SSBP2: variants seen among roughly 807,000 people sequenced by gnomAD.
The protein encoded by SSBP2 is single stranded DNA binding protein 2, also known as single-stranded DNA-binding protein 2.
In SSBP2, 17 loss-of-function variants were observed where a neutral mutation model predicts 61.8. The observed-to-expected ratio is 0.28, with a 90% CI of 0.19 to 0.41. The LOEUF is 0.41. Among genes scored for constraint, SSBP2 ranks in the 10% least tolerant of loss-of-function variants. The pLI is 1.00. For synonymous variants in SSBP2, 139 were observed against 141.3 expected (o/e 0.98, Z 0.12); for missense variants, 310 against 458.7 (o/e 0.68, Z 2.96).
At chr5:81,656,115 G>A (rs1361930131) in intron 1 of SSBP2, among the ~76,000 whole-genome samples, 6 of 152,104 alleles carry the variant, frequency 3.9e-5, no homozygotes, top group South Asian at 2.1e-4. Flanking sequence ...GCAGTGGCGC[G>A]ATCTTGGCTC....
chr5:81,437,347 C>G, intron 15 of SSBP2, 83 bp downstream of exon 15: 9 of 1,340,434 alleles, frequency 6.7e-6, no homozygotes, highest in Non-Finnish European at 2.1e-6. Flanking sequence ...GAACAAAATT[C>G]GTAAATTTAC....
At position 81,462,021 on chromosome 5, in the gene SSBP2, T is replaced by TA. The variant is rs1011147574; in HGVS notation, c.639-919dup. On this transcript the variant is annotated intron_variant, in intron 9 of 16. Coordinates refer to ENST00000320672, the MANE Select transcript of SSBP2 (RefSeq NM_012446.5). The stretch of plus-strand genomic sequence containing the variant: ...CACTAAGACAATGAAAATTTTTAAT[T>TA]AAAAAAAATCCCTTGATTCTAAGAC... Among the ~76,000 whole-genome samples, 29 of 152,072 alleles carry TA rather than the reference T, an allele frequency of 1.9e-4. No homozygotes were observed. The East Asian group carries it at 2.5e-3, about 13-fold the overall frequency.
At chr5:81,575,474 A>C (rs1243937066) in intron 4 of SSBP2, among the ~76,000 whole-genome samples, 1 of 152,214 alleles carries the variant, frequency 6.6e-6, no homozygotes, top group African/African-American at 2.4e-5. Context: ...ATATGTTAAT[A>C]AATCAAGGAT....
chr5:81,648,038 T>A (rs1037139493), intron 2 of SSBP2, among the ~76,000 whole-genome samples: 1 of 152,218 alleles, frequency 6.6e-6, no homozygotes, highest in East Asian at 1.9e-4. Flanking sequence ...ATTAAGTGAA[T>A]TGAGCCAATT....
Position 81,453,886 on chromosome 5 carries a change from T to C in SSBP2, c.688-5061A>G, listed in dbSNP as rs1017625396. Among the ~76,000 whole-genome samples the C allele has an allele frequency of 4.6e-5, 7 of 152,278 alleles. No individual in the cohort carries two copies. The East Asian group carries it at 1.2e-3, about 25-fold the overall frequency. ...TATTAAACCAAAAAAAGAAAAGATA[T>C]TAATACAAAACCAAGGAGTCAAATA... On this transcript the variant is annotated intron_variant, in intron 10 of 16. Coordinates refer to ENST00000320672, the MANE Select transcript of SSBP2 (RefSeq NM_012446.5).
intron 1 of SSBP2, 28 bp from the exon 2 acceptor site, chr5:81,650,367 G>C (rs778381873): frequency 4.2e-6 from 6 of 1,411,852 alleles, no homozygotes; most frequent in Non-Finnish European, 5.8e-6. Context: ...TATTTATTGA[G>C]AAGAGGAATA....
intron 15 of SSBP2, among the ~76,000 whole-genome samples, chr5:81,429,553 G>A (rs1273084163): frequency 6.6e-6 from 1 of 151,912 alleles, no homozygotes; most frequent in Non-Finnish European, 1.5e-5. Context: ...TTCTTTGAAG[G>A]TCCAATTCAT....
chr5:81,704,435 A>G (rs951314885), intron 1 of SSBP2, among the ~76,000 whole-genome samples: 8 of 152,166 alleles, frequency 5.3e-5, no homozygotes, highest in African/African-American at 1.9e-4. Flanking sequence ...ACAGGCACAC[A>G]TGCTCGCACA....
At chr5:81,486,785 T>C (rs1167673494) in intron 6 of SSBP2, among the ~76,000 whole-genome samples, 1 of 152,198 alleles carries the variant, frequency 6.6e-6, no homozygotes, top group African/African-American at 2.4e-5. Context: ...CCCGATGTAC[T>C]GAATTCAGAT....
chr5:81,662,339 C>T (rs993133502), intron 1 of SSBP2, among the ~76,000 whole-genome samples: 11 of 151,848 alleles, frequency 7.2e-5, no homozygotes, highest in Middle Eastern at 3.2e-3. Context: ...TGGTGGCAGA[C>T]GCCCGTAATC....
chr5:81,440,779 C>T (rs1457630538), intron 13 of SSBP2, 143 bp from the exon 14 acceptor site: 2 of 609,998 alleles, frequency 3.3e-6, no homozygotes, highest in Non-Finnish European at 5.7e-6. Context: ...TGATGTTTTT[C>T]AGCCTTGTGG....
At chr5:81,547,667 C>A (rs1378633936) in intron 4 of SSBP2, among the ~76,000 whole-genome samples, 1 of 152,064 alleles carries the variant, frequency 6.6e-6, no homozygotes, top group East Asian at 1.9e-4. Flanking sequence ...GAGACGATGT[C>A]TTGCTATGTT....
intron 5 of SSBP2, among the ~76,000 whole-genome samples, chr5:81,498,829 C>T (rs180780673): frequency 7.2e-5 from 11 of 152,116 alleles, no homozygotes; most frequent in African/African-American, 2.6e-4. Flanking sequence ...GTTGAAAAAT[C>T]ACTAGAGTAT....
chr5:81,478,686 G>C (rs1002961295), intron 6 of SSBP2, among the ~76,000 whole-genome samples: 2 of 152,096 alleles, frequency 1.3e-5, no homozygotes, highest in Admixed American at 1.3e-4. Context: ...GCTCAGGCAG[G>C]TCTTGAACTC....
intron 5 of SSBP2, among the ~76,000 whole-genome samples, chr5:81,511,215 G>A (rs529917495): frequency 1.3e-5 from 2 of 152,162 alleles, no homozygotes; most frequent in African/African-American, 2.4e-5. Context: ...CCCAAGATTC[G>A]GTTTGGTGGC....
At chr5:81,578,887 A>G (rs932896468) in intron 4 of SSBP2, among the ~76,000 whole-genome samples, 11 of 152,146 alleles carry the variant, frequency 7.2e-5, no homozygotes, top group African/African-American at 2.4e-4. Context: ...CCTAAGTAAC[A>G]ATCTATCCTT....
At chr5:81,648,619 C>T (rs991212844) in intron 2 of SSBP2, among the ~76,000 whole-genome samples, 4 of 151,980 alleles carry the variant, frequency 2.6e-5, no homozygotes, top group African/African-American at 4.8e-5. Flanking sequence ...AGAGATAATA[C>T]GATTTCAAGC....
chr5:81,639,953 T>C (rs1050970047), intron 2 of SSBP2, among the ~76,000 whole-genome samples: 2 of 152,192 alleles, frequency 1.3e-5, no homozygotes, highest in Non-Finnish European at 1.5e-5. Context: ...TCACTGAAAT[T>C]GGTTGCATTT....
intron 4 of SSBP2, among the ~76,000 whole-genome samples, chr5:81,613,555 G>A (rs1745666763): frequency 6.6e-6 from 1 of 152,222 alleles, no homozygotes; most frequent in Admixed American, 6.5e-5. Context: ...AGATCTCCAT[G>A]TTGAACAGTA....
Sources: gnomAD v4.1 joint callset for allele counts (sites outside exome capture counted in the v4.1 genomes callset) on GRCh38, gnomAD v4.1.1 for gene constraint, MANE v1.5 for transcripts, NCBI Gene and HGNC (gene_info 2026-07-23, HGNC 2026-07-21) for gene names.